The following SCN1A variants were observed in gnomAD, a reference collection of about 807,000 sequenced individuals.
SCN1A encodes the protein sodium voltage-gated channel alpha subunit 1.
Under a neutral mutation model 193.7 loss-of-function variants are expected in SCN1A, and 13 were observed. That is an observed-to-expected ratio of 0.07 (90% CI 0.04 to 0.11). SCN1A has a LOEUF of 0.11. Among genes scored for constraint, SCN1A ranks in the 10% least tolerant of loss-of-function variants. The pLI is 1.00. For synonymous variants in SCN1A, 781 were observed against 843.6 expected, an observed-to-expected ratio of 0.93 and a Z score of 1.29; for missense variants, 1,432 against 2,451.1, an observed-to-expected ratio of 0.58 and a Z score of 8.78.
intron 4 of SCN1A, among the ~76,000 whole-genome samples, chr2:166,067,676 A>G (rs1683984083): frequency 6.6e-6 from 1 of 151,114 alleles, no homozygotes; most frequent in Non-Finnish European, 1.5e-5. Context: ...TACTGATATT[A>G]TATATAGCAT....
At position 165,992,172 on chromosome 2, in the gene SCN1A, G is replaced by A. The variant is rs1414216933; in HGVS notation, c.5103C>T (p.Ile1701=). 3 of 1,613,784 alleles carry A rather than the reference G, an allele frequency of 1.9e-6. No individual in the cohort carries two copies. Among genetic ancestry groups the A allele is most frequent in the South Asian group, 1.1e-5 (1 of 91,072 alleles). ...AGGTCTCAAAGTTGAACATGTCATC[G>A]ATCCCAACTTCCCTCTTAACATAGG... ...NFAYVKREVG[I]DDMFNFETFG... The change falls in exon 29 of 29, where the codon ATC becomes ATT. Residue 1701 remains isoleucine, a synonymous_variant. Coordinates refer to ENST00000674923, the MANE Select transcript of SCN1A (RefSeq NM_001165963.4). The surrounding 1 kb of genome is among the most constrained non-coding windows in gnomAD (Gnocchi z 6.5).
intron 19 of SCN1A, among the ~76,000 whole-genome samples, chr2:166,028,621 T>C (rs1695126455): frequency 6.6e-6 from 1 of 152,194 alleles, no homozygotes; most frequent in Non-Finnish European, 1.5e-5. Flanking sequence ...ATCCTTGTTA[T>C]AAGGACTGAA....
chr2:166,029,795 A>G (rs957887278), intron 19 of SCN1A, among the ~76,000 whole-genome samples: 3 of 152,130 alleles, frequency 2.0e-5, no homozygotes, highest in East Asian at 3.9e-4. Flanking sequence ...AGTTCTTCCT[A>G]ATGATTTGGA....
chr2:166,039,718 TG>T, intron 16 of SCN1A, 122 bp from the exon 17 acceptor site: 1 of 859,210 alleles, frequency 1.2e-6, no homozygotes, highest in East Asian at 2.7e-5. Flanking sequence ...AACTTAAATT[TG>T]TATGGCAATT....
intron 1 of SCN1A, among the ~76,000 whole-genome samples, chr2:166,138,183 G>T (rs1012610483): frequency 5.3e-5 from 8 of 152,210 alleles, no homozygotes; most frequent in Admixed American, 5.2e-4. Context: ...AAAATTTGCA[G>T]CCTGACAATG....
Position 166,036,350 on chromosome 2 carries a change from T to C in SCN1A, c.3127A>G (p.Lys1043Glu). The stretch of plus-strand genomic sequence containing the variant: ...AGTGGTTTAATTTCATCTAAAATCT[T>C]TTGTTTCCTAATGAAGGACTGTTGA... ...FIQQSFIRKQ[K>E]ILDEIKPLDD... Residue 1043 changes from lysine to glutamate, a missense_variant, in exon 19 of 29, where the codon AAG (lysine) becomes GAG (glutamate). Coordinates refer to ENST00000674923, the MANE Select transcript of SCN1A (RefSeq NM_001165963.4). 1 of 1,609,322 alleles carries C rather than the reference T, an allele frequency of 6.2e-7. No individual in the cohort carries two copies. Among genetic ancestry groups the C allele is most frequent in the Non-Finnish European group, 8.5e-7 (1 of 1,178,424 alleles).
chr2:166,016,027 A>G, intron 19 of SCN1A: 1 of 344,856 alleles, frequency 2.9e-6, no homozygotes, highest in Non-Finnish European at 5.4e-6. Flanking sequence ...CAGGGGACAC[A>G]GGGAAGAGAA....
intron 2 of SCN1A, among the ~76,000 whole-genome samples, chr2:166,078,858 C>T (rs1279822148): frequency 6.6e-6 from 1 of 151,414 alleles, no homozygotes; most frequent in African/African-American, 2.4e-5. Flanking sequence ...TTTCAAAGTC[C>T]TCACTGATGC....
At chr2:166,129,088 T>G (rs1293882307), upstream of SCN1A, among the ~76,000 whole-genome samples, 1 of 152,186 alleles carries the variant, frequency 6.6e-6, no homozygotes, top group Non-Finnish European at 1.5e-5. Flanking sequence ...CTTCAATATT[T>G]AATCCTTCTC....
chr2:166,033,314 A>G (rs564301513), intron 19 of SCN1A, among the ~76,000 whole-genome samples: 1 of 152,260 alleles, frequency 6.6e-6, no homozygotes, highest in African/African-American at 2.4e-5. Flanking sequence ...AAGTGGTTGC[A>G]TTCTAATTAG....
At chr2:166,089,069 G>T (rs1175836426) in intron 2 of SCN1A, among the ~76,000 whole-genome samples, 3 of 152,092 alleles carry the variant, frequency 2.0e-5, no homozygotes, top group Non-Finnish European at 2.9e-5. Flanking sequence ...TGCAGAACTT[G>T]CAGGTTTGTT....
chr2:166,045,056 G>T lies in SCN1A; in HGVS notation c.1649C>A (p.Ser550Tyr), dbSNP rs1697630529. 2 of 1,614,002 alleles carry T rather than the reference G, an allele frequency of 1.2e-6. No homozygotes were observed. Among genetic ancestry groups the T allele is most frequent in the Non-Finnish European group, 1.7e-6 (2 of 1,180,010 alleles). ...GCAGTGCCATACCTGGTGTGGGGAG[G>T]AGTACCTCTTTTCATATGTCAATCG... The part of the protein sequence containing the change: ...GNRLTYEKRY[S>Y]SPHQSLLSIR... Residue 550 changes from serine to tyrosine, a missense_variant, in exon 13 of 29, where the codon TCC becomes TAC. Physicochemically the swap from Ser to Tyr is moderately radical, Grantham distance 144 (BLOSUM62 -2). Coordinates refer to ENST00000674923, the MANE Select transcript of SCN1A (RefSeq NM_001165963.4).
At chr2:166,138,175 A>G (rs1408443306) in intron 1 of SCN1A, among the ~76,000 whole-genome samples, 1 of 152,204 alleles carries the variant, frequency 6.6e-6, no homozygotes, top group Non-Finnish European at 1.5e-5. Context: ...AAGTTTGGAA[A>G]ATTTGCAGCC....
At position 166,108,408 on chromosome 2, in the gene SCN1A, CA is replaced by C. The variant is rs1268809751; in HGVS notation, c.-142+18515del. On this transcript the variant is annotated intron_variant, in intron 2 of 28. Coordinates refer to ENST00000674923, the MANE Select transcript of SCN1A (RefSeq NM_001165963.4). The stretch of plus-strand genomic sequence containing the variant: ...TTGGAAATACACTGGCAGTGTCTTA[CA>C]ATGTTAAACATAGATTCATTATATG... Among the ~76,000 whole-genome samples the C allele has an allele frequency of 3.3e-5, 5 of 152,112 alleles. No individual in the cohort carries two copies. In the East Asian group the frequency reaches 9.7e-4, roughly 29 times the overall value.
At chr2:166,019,892 A>G (rs190394656) in intron 19 of SCN1A, among the ~76,000 whole-genome samples, 3 of 150,228 alleles carry the variant, frequency 2.0e-5, no homozygotes, top group Non-Finnish European at 4.4e-5. Context: ...TAGAAGCTGT[A>G]TGTTAATCAA....
rs1573948237 is a variant in SCN1A at position 165,991,992 on chromosome 2, A to C, written c.5283T>G (p.Val1761=). 6.2e-7 allele frequency: 1 copy of C among 1,613,952 alleles called. No homozygotes were observed. The highest frequency in any genetic ancestry group is 1.1e-5 in the South Asian group (1 of 91,082). The change falls in exon 29 of 29, where the codon GTT becomes GTG. Residue 1761 remains valine, a synonymous_variant. Transcript: ENST00000674923. ...TGTAACTGACAAAAAAGAAAATTCCAACAGATGGGTTCCCACAGTCTCCCT... is the reference window on the plus strand; with the variant it reads ...TGTAACTGACAAAAAAGAAAATTCCCACAGATGGGTTCCCACAGTCTCCCT... ...SVKGDCGNPS[V]GIFFFVSYII...
Position 166,048,872 on chromosome 2 carries a change from A to G in SCN1A, c.1028+14T>C. ...ATACAAATATACACAGATACACACAAATTATTGACTTACCCTGCATCAGAG... is the reference window on the plus strand; with the variant it reads ...ATACAAATATACACAGATACACACAGATTATTGACTTACCCTGCATCAGAG... On this transcript the variant is annotated intron_variant, in intron 10 of 28. Coordinates refer to ENST00000674923, the MANE Select transcript of SCN1A (RefSeq NM_001165963.4). The G allele has an allele frequency of 6.4e-7, 1 of 1,554,110 alleles. No individual in the cohort carries two copies. The highest frequency in any genetic ancestry group is 2.3e-5 in the East Asian group (1 of 44,402).
intron 22 of SCN1A, 129 bp downstream of exon 22, chr2:166,011,980 C>A: frequency 1.3e-6 from 1 of 780,694 alleles, no homozygotes; most frequent in Admixed American, 2.1e-5. Context: ...ACTCTCATTG[C>A]ATATATGCGT....
At chr2:166,139,181 A>G (rs13384709) in intron 1 of SCN1A, among the ~76,000 whole-genome samples, 40,561 of 152,052 alleles carry the variant, frequency 0.27, 5,548 homozygotes, top group African/African-American at 0.32. Context: ...CTTTTCAGTT[A>G]ATGCTGAAAT....
Sources: allele counts gnomAD v4.1 joint callset (sites outside exome capture counted in the v4.1 genomes callset), GRCh38; gene constraint gnomAD v4.1.1; non-coding constraint Gnocchi (gnomAD v3.1); transcripts MANE v1.5; gene names NCBI Gene and HGNC (gene_info 2026-07-23, HGNC 2026-07-21).